PRIM2: variants seen among roughly 807,000 people sequenced by gnomAD.
PRIM2 encodes DNA primase large subunit.
PRIM2 carries 39 observed loss-of-function variants against 67.3 expected under a neutral mutation model. That is an observed-to-expected ratio of 0.58 (90% CI 0.45 to 0.76). PRIM2 has a LOEUF of 0.76. Among genes scored for constraint, PRIM2 ranks in the 30% least tolerant of loss-of-function variants. The pLI is 0.00. For missense variants in PRIM2, 398 were observed against 598.7 expected (o/e 0.66, Z 3.50); for synonymous variants, 143 against 198.7 (o/e 0.72, Z 2.36).
At chr6:57,622,084 G>A (rs1776867968) in intron 12 of PRIM2, among the ~76,000 whole-genome samples, 2 of 152,052 alleles carry the variant, frequency 1.3e-5, no homozygotes, top group Admixed American at 1.3e-4. Context: ...CCAAGTAGCT[G>A]GGATTACAGC....
At position 57,545,329 on chromosome 6, in the gene PRIM2, C is replaced by T. The variant is rs1288976483; in HGVS notation, c.1020+7704C>T. On this transcript the variant is annotated intron_variant, in intron 10 of 13. Coordinates refer to ENST00000615550, the MANE Select transcript of PRIM2 (RefSeq NM_000947.5). ...TTCCATCTACTTGGCATAGTTCAGCCGATTTTTATTGTGTGTTTATCATGA... is the reference window on the plus strand; with the variant it reads ...TTCCATCTACTTGGCATAGTTCAGCTGATTTTTATTGTGTGTTTATCATGA... Among the ~76,000 whole-genome samples, 18 of 151,942 alleles carry T rather than the reference C, an allele frequency of 1.2e-4. No homozygotes were observed. In the South Asian group the frequency reaches 2.3e-3, roughly 19 times the overall value.
the PRIM2 span, among the ~76,000 whole-genome samples, chr6:57,298,939 T>C: frequency 6.6e-6 from 1 of 152,056 alleles, no homozygotes; most frequent in Non-Finnish European, 1.5e-5. Context: ...CCCTGCCAAT[T>C]ATAACTTCAC....
intron 10 of PRIM2, among the ~76,000 whole-genome samples, chr6:57,578,858 A>T (rs1182890209): frequency 1.3e-5 from 2 of 151,010 alleles, no homozygotes; most frequent in East Asian, 3.9e-4. Context: ...TTGTATTTTT[A>T]GTAGAGACGG....
At chr6:57,532,832 C>T (rs1774920889) in intron 9 of PRIM2, among the ~76,000 whole-genome samples, 1 of 152,076 alleles carries the variant, frequency 6.6e-6, no homozygotes, top group Non-Finnish European at 1.5e-5. Flanking sequence ...GTTGTCATGA[C>T]AACGGAAATT....
rs1328666755 is a variant in PRIM2, at chr6:57,468,177, T to C, written c.694-39210T>C. Among the ~76,000 whole-genome samples the C allele has an allele frequency of 1.6e-4, 24 of 152,312 alleles. 1 individual carries two copies. The highest frequency in any genetic ancestry group is 5.9e-4 in the Admixed American group (9 of 15,296). ...CTTCCAATACTATGTTGAATAGGAATGGTGAGGGAAGGCATCCTTGTCTTG... is the reference window on the plus strand; with the variant it reads ...CTTCCAATACTATGTTGAATAGGAACGGTGAGGGAAGGCATCCTTGTCTTG... On this transcript the variant is annotated intron_variant, in intron 7 of 13. Transcript: ENST00000615550.
the PRIM2 span, among the ~76,000 whole-genome samples, chr6:57,289,183 C>G: frequency 6.6e-6 from 1 of 151,840 alleles, no homozygotes; most frequent in Non-Finnish European, 1.5e-5. Context: ...GCTGATTTGA[C>G]CAAGTGGAAG....
chr6:57,507,302 C>T (rs2127459635), intron 7 of PRIM2, 85 bp from the exon 8 acceptor site: 2 of 901,010 alleles, frequency 2.2e-6, no homozygotes, highest in East Asian at 5.4e-5. Context: ...CCCTATCTGC[C>T]CTTCAGCTCG....
chr6:57,319,759 ACT>A (rs963475553), intron 2 of PRIM2, among the ~76,000 whole-genome samples: 1 of 151,726 alleles, frequency 6.6e-6, no homozygotes, highest in African/African-American at 2.4e-5. Context: ...ATGCATGGAA[ACT>A]CTGCTGCTGG....
intron 8 of PRIM2, among the ~76,000 whole-genome samples, chr6:57,511,832 G>A (rs1774375525): frequency 6.6e-6 from 1 of 152,182 alleles, no homozygotes; most frequent in Non-Finnish European, 1.5e-5. Flanking sequence ...TACCTGTGGG[G>A]ACCTATGTGG....
At chr6:57,265,159 T>C in the PRIM2 span, among the ~76,000 whole-genome samples, 1 of 152,244 alleles carries the variant, frequency 6.6e-6, no homozygotes, top group Non-Finnish European at 1.5e-5. Flanking sequence ...GCTTTTGACC[T>C]GGATGTCTAT....
intron 7 of PRIM2, among the ~76,000 whole-genome samples, chr6:57,452,380 A>G (rs1371677845): frequency 6.6e-6 from 1 of 152,184 alleles, no homozygotes; most frequent in Admixed American, 6.5e-5. Context: ...CAATGGTTGA[A>G]CTAGTTTACA....
intron 7 of PRIM2, among the ~76,000 whole-genome samples, chr6:57,433,950 G>A (rs9464484): frequency 0.039 from 5,552 of 142,802 alleles, 334 homozygotes; most frequent in African/African-American, 0.14. Context: ...TTGAGACAGA[G>A]TTTCGCTCTT....
intron 7 of PRIM2, among the ~76,000 whole-genome samples, chr6:57,419,991 T>G (rs1771410257): frequency 6.6e-6 from 1 of 152,166 alleles, no homozygotes; most frequent in African/African-American, 2.4e-5. Flanking sequence ...ATCGAGCTTT[T>G]GTGTTTGGTG....
At chr6:57,449,977 A>G (rs1772488826) in intron 7 of PRIM2, among the ~76,000 whole-genome samples, 1 of 152,164 alleles carries the variant, frequency 6.6e-6, no homozygotes, top group African/African-American at 2.4e-5. Context: ...GATTAATGAC[A>G]AAGGTAACTC....
intron 2 of PRIM2, among the ~76,000 whole-genome samples, chr6:57,319,942 T>C (rs1047587099): frequency 2.8e-4 from 43 of 152,362 alleles, no homozygotes; most frequent in African/African-American, 9.4e-4. Context: ...GATATGGTGC[T>C]TTAGGAACCT....
chr6:57,292,141 A>C, the PRIM2 span, among the ~76,000 whole-genome samples: 1 of 152,216 alleles, frequency 6.6e-6, no homozygotes. Flanking sequence ...AAGCAACTTT[A>C]GCAAAGTCTC....
intron 7 of PRIM2, among the ~76,000 whole-genome samples, chr6:57,398,373 G>T (rs984805965): frequency 6.6e-6 from 1 of 152,092 alleles, no homozygotes; most frequent in South Asian, 2.1e-4. Flanking sequence ...TAGTTTAAAA[G>T]AACTTCTTAA....
At chr6:57,400,055 C>T (rs1770653276) in intron 7 of PRIM2, among the ~76,000 whole-genome samples, 1 of 152,256 alleles carries the variant, frequency 6.6e-6, no homozygotes, top group Admixed American at 6.5e-5. Context: ...CTTTTTTATC[C>T]AGCTTGCCAC....
chr6:57,539,566 TTGTGTG>T lies in PRIM2; in HGVS notation c.1020+1957_1020+1962del, dbSNP rs1175516387. On this transcript the variant is annotated intron_variant, in intron 10 of 13. Transcript: ENST00000615550. ...TTGATTATAGTTTTGATTATATTCT[TTGTGTG>T]TGTGTGTGTGTGTGTCAATTATAGT... Among the ~76,000 whole-genome samples the T allele has an allele frequency of 2.1e-3, 316 of 147,456 alleles. 1 individual carries two copies. The highest frequency in any genetic ancestry group is 5.4e-3 in the African/African-American group (216 of 39,780).
Sources: allele counts gnomAD v4.1 joint callset (sites outside exome capture counted in the v4.1 genomes callset), GRCh38; gene constraint gnomAD v4.1.1; transcripts MANE v1.5; gene names NCBI Gene and HGNC (gene_info 2026-07-23, HGNC 2026-07-21).